Variants in RBFOX1 observed in about 807,000 individuals in gnomAD.
The protein encoded by RBFOX1 is RNA binding protein fox-1 homolog 1.
Under a neutral mutation model 57.7 loss-of-function variants are expected in RBFOX1, and 8 were observed. The ratio of observed to expected loss-of-function variants is 0.14; its 90% CI spans 0.08 to 0.25. RBFOX1 has a LOEUF of 0.25. Among genes scored for constraint, RBFOX1 ranks in the 10% least tolerant of loss-of-function variants. The pLI is 1.00. For synonymous variants in RBFOX1, 326 were observed against 222.4 expected (o/e 1.47, Z -4.15); for missense variants, 611 against 548.5 (o/e 1.11, Z -1.14).
chr16:7,669,189 C>A (rs2070519303), intron 13 of RBFOX1, among the ~76,000 whole-genome samples: 2 of 152,122 alleles, frequency 1.3e-5, no homozygotes, highest in Non-Finnish European at 2.9e-5. Flanking sequence ...CAGGTGTGAC[C>A]CACCATGACT....
chr16:6,784,747 G>A (rs2081630616), intron 3 of RBFOX1, among the ~76,000 whole-genome samples: 1 of 151,604 alleles, frequency 6.6e-6, no homozygotes, highest in African/African-American at 2.4e-5. Flanking sequence ...TCAATTTGGT[G>A]TTCCTGTGGT....
At chr16:7,517,362 G>C (rs1044963888) in intron 4 of RBFOX1, among the ~76,000 whole-genome samples, 2 of 151,944 alleles carry the variant, frequency 1.3e-5, no homozygotes, top group Non-Finnish European at 2.9e-5. Context: ...AATACTCTGT[G>C]CTCATAAAAA....
At chr16:6,418,117 T>C (rs2093675606) in intron 2 of RBFOX1, among the ~76,000 whole-genome samples, 2 of 152,186 alleles carry the variant, frequency 1.3e-5, no homozygotes, top group Non-Finnish European at 2.9e-5. Flanking sequence ...TAACATTTGC[T>C]AAGGACTTAC....
At chr16:6,029,279 T>A (rs966835313) in intron 1 of RBFOX1, among the ~76,000 whole-genome samples, 5 of 152,200 alleles carry the variant, frequency 3.3e-5, no homozygotes, top group African/African-American at 7.2e-5. Flanking sequence ...CAAAAGTTCA[T>A]AACAAGAACA....
At chr16:6,040,251 G>A (rs937764320) in intron 1 of RBFOX1, among the ~76,000 whole-genome samples, 5 of 152,188 alleles carry the variant, frequency 3.3e-5, no homozygotes, top group Non-Finnish European at 7.3e-5. Flanking sequence ...GTATGGTTCA[G>A]TAACATTGAA....
chr16:5,505,867 C>T (rs1287288767), intron 2 of RBFOX1, among the ~76,000 whole-genome samples: 3 of 152,104 alleles, frequency 2.0e-5, no homozygotes, highest in African/African-American at 7.2e-5. Flanking sequence ...GAAGCCTCAC[C>T]CTGCCATGAC....
At chr16:6,375,010 T>G (rs995983409) in intron 2 of RBFOX1, among the ~76,000 whole-genome samples, 1 of 152,210 alleles carries the variant, frequency 6.6e-6, no homozygotes, top group African/African-American at 2.4e-5. Context: ...TATTGCTGCA[T>G]TGAGTGCTTA....
intron 3 of RBFOX1, among the ~76,000 whole-genome samples, chr16:5,853,913 C>G (rs2056959925): frequency 6.6e-6 from 1 of 152,242 alleles, no homozygotes. Flanking sequence ...GCATGTGCCA[C>G]TGCACCCAGC....
intron 3 of RBFOX1, among the ~76,000 whole-genome samples, chr16:5,724,059 G>A (rs1268353863): frequency 7.9e-5 from 12 of 152,146 alleles, no homozygotes; most frequent in Non-Finnish European, 8.8e-5. Context: ...ATGTGCCTGC[G>A]TGCAGACTGC....
chr16:5,615,592 G>A (rs976065105), intron 3 of RBFOX1, among the ~76,000 whole-genome samples: 6 of 152,166 alleles, frequency 3.9e-5, no homozygotes, highest in African/African-American at 9.7e-5. Flanking sequence ...GCTCCGTCCT[G>A]TTCCCATAGG....
intron 2 of RBFOX1, among the ~76,000 whole-genome samples, chr16:6,622,873 ATGT>A (rs1284509572): frequency 3.9e-5 from 6 of 152,244 alleles, no homozygotes; most frequent in Admixed American, 3.9e-4. Flanking sequence ...TTTTATCCAC[ATGT>A]TGTTCTGCCA....
chr16:6,579,059 A>C (rs1406958371), intron 2 of RBFOX1, among the ~76,000 whole-genome samples: 4 of 152,248 alleles, frequency 2.6e-5, no homozygotes, highest in East Asian at 1.9e-4. Context: ...AATAACAAAT[A>C]ATTTTTGAAA....
At chr16:5,754,078 G>A (rs1052585567) in intron 3 of RBFOX1, among the ~76,000 whole-genome samples, 4 of 152,170 alleles carry the variant, frequency 2.6e-5, no homozygotes, top group Admixed American at 6.6e-5. Flanking sequence ...CTACCTGCAT[G>A]ACACTTTGTG....
chr16:5,428,122 CTGTG>C (rs3084227), intron 1 of RBFOX1, among the ~76,000 whole-genome samples: 3,577 of 141,676 alleles, frequency 0.025, 122 homozygotes, highest in African/African-American at 0.088. Context: ...GTGTGTGTGT[CTGTG>C]TGTGTGTGTG....
intron 3 of RBFOX1, among the ~76,000 whole-genome samples, chr16:6,712,890 T>G (rs1234544715): frequency 6.0e-5 from 7 of 116,392 alleles, no homozygotes; most frequent in East Asian, 4.2e-4. Flanking sequence ...GGTGTTTTTT[T>G]TTTTTTTTTT....
At chr16:6,598,262 T>A (rs1298411195) in intron 2 of RBFOX1, among the ~76,000 whole-genome samples, 1 of 152,252 alleles carries the variant, frequency 6.6e-6, no homozygotes, top group African/African-American at 2.4e-5. Context: ...CACTATATAA[T>A]TAAGACATCC....
chr16:5,727,446 A>G (rs1302141742), intron 3 of RBFOX1, among the ~76,000 whole-genome samples: 2 of 152,204 alleles, frequency 1.3e-5, no homozygotes, highest in East Asian at 1.9e-4. Flanking sequence ...GCTCACCACA[A>G]TTGAAGTAAC....
chr16:6,885,445 T>C (rs530964045), intron 3 of RBFOX1, among the ~76,000 whole-genome samples: 2 of 152,342 alleles, frequency 1.3e-5, no homozygotes, highest in South Asian at 4.1e-4. Flanking sequence ...TATAGTACCT[T>C]TCAGTATTCG....
chr16:6,350,368 G>A (rs2086103336), intron 2 of RBFOX1, among the ~76,000 whole-genome samples: 1 of 147,164 alleles, frequency 6.8e-6, no homozygotes, highest in Admixed American at 6.9e-5. Context: ...TTGAACCCAG[G>A]AGGCAGAGGT....
Sources: allele counts gnomAD v4.1 joint callset (sites outside exome capture counted in the v4.1 genomes callset), GRCh38; gene constraint gnomAD v4.1.1; transcripts MANE v1.5; gene names NCBI Gene and HGNC (gene_info 2026-07-23, HGNC 2026-07-21).